The following SLCO2A1 variants were observed in gnomAD, a reference collection of about 807,000 sequenced individuals.
SLCO2A1 encodes solute carrier organic anion transporter family member 2A1.
In SLCO2A1, 60 loss-of-function variants were observed where a neutral mutation model predicts 71.7. The observed-to-expected ratio is 0.84, with a 90% CI of 0.68 to 1.04. The LOEUF (loss-of-function observed/expected upper bound fraction) is 1.04, where lower values mean the gene tolerates loss of function less well. Ranked by LOEUF, SLCO2A1 falls within the 50% of genes least tolerant of loss-of-function variation. The pLI is 0.00. For synonymous variants in SLCO2A1, 308 were observed against 326.7 expected, an observed-to-expected ratio of 0.94 and a Z score of 0.62; for missense variants, 745 against 813.4, an observed-to-expected ratio of 0.92 and a Z score of 1.02.
At chr3:133,945,696 A>G (rs1933556835) in intron 9 of SLCO2A1, among the ~76,000 whole-genome samples, 1 of 152,094 alleles carries the variant, frequency 6.6e-6, no homozygotes, top group Non-Finnish European at 1.5e-5. Context: ...CTTAATGTAG[A>G]CCTTGCCCAG....
intron 3 of SLCO2A1, among the ~76,000 whole-genome samples, chr3:133,957,313 C>T (rs13083496): frequency 0.14 from 21,253 of 152,196 alleles, 1,622 homozygotes; most frequent in Non-Finnish European, 0.16. Flanking sequence ...CAGGCTCTAC[C>T]GTAGAGATCC....
chr3:133,952,439 C>T (rs538686596), intron 5 of SLCO2A1, among the ~76,000 whole-genome samples: 1 of 152,316 alleles, frequency 6.6e-6, no homozygotes, highest in African/African-American at 2.4e-5. Flanking sequence ...GCCTTTCAGC[C>T]ACCCCTTCAG....
intron 3 of SLCO2A1, among the ~76,000 whole-genome samples, chr3:133,957,687 G>A (rs1004591592): frequency 6.6e-6 from 1 of 152,186 alleles, no homozygotes; most frequent in Non-Finnish European, 1.5e-5. Flanking sequence ...GAAAGGGGCT[G>A]GCTGCTGGGA....
chr3:133,938,136 G>A (rs373464753), intron 12 of SLCO2A1, among the ~76,000 whole-genome samples: 34 of 152,334 alleles, frequency 2.2e-4, no homozygotes, highest in African/African-American at 7.7e-4. Flanking sequence ...TTTGTGAGAA[G>A]GATTTAAAAA....
chr3:133,935,930 G>A (rs1214174184), intron 12 of SLCO2A1, 33 bp from the exon 13 acceptor site: 2 of 1,538,260 alleles, frequency 1.3e-6, no homozygotes, highest in Non-Finnish European at 8.8e-7. Flanking sequence ...CTGGTCAGGT[G>A]GAACTGCAGG....
intron 1 of SLCO2A1, among the ~76,000 whole-genome samples, chr3:134,018,102 C>A (rs1437156037): frequency 6.6e-6 from 1 of 152,146 alleles, no homozygotes; most frequent in Non-Finnish European, 1.5e-5. Flanking sequence ...CGACCCATGG[C>A]CCACCTGATC....
At chr3:133,947,136 A>C in intron 9 of SLCO2A1, 120 bp downstream of exon 9, 2 of 840,884 alleles carry the variant, frequency 2.4e-6, no homozygotes, top group East Asian at 5.8e-5. Flanking sequence ...TCTGTCTCAA[A>C]AAAAAAAAAA....
At chr3:134,011,194 G>C (rs1198331751) in intron 1 of SLCO2A1, among the ~76,000 whole-genome samples, 2 of 152,168 alleles carry the variant, frequency 1.3e-5, no homozygotes, top group African/African-American at 4.8e-5. Context: ...GGGATTACAG[G>C]TGTGCACCAC....
At chr3:134,000,479 T>C (rs1187654334) in intron 1 of SLCO2A1, among the ~76,000 whole-genome samples, 1 of 152,110 alleles carries the variant, frequency 6.6e-6, no homozygotes, top group African/African-American at 2.4e-5. Context: ...TCCAGCCTCG[T>C]AAACAGATTG....
At chr3:134,009,693 T>C (rs1445243072) in intron 1 of SLCO2A1, among the ~76,000 whole-genome samples, 2 of 152,228 alleles carry the variant, frequency 1.3e-5, no homozygotes, top group African/African-American at 4.8e-5. Flanking sequence ...AAGAGGAAAC[T>C]GAGGAATGAA....
intron 1 of SLCO2A1, among the ~76,000 whole-genome samples, chr3:133,984,173 G>A (rs1239780429): frequency 6.6e-6 from 1 of 152,230 alleles, no homozygotes; most frequent in African/African-American, 2.4e-5. Flanking sequence ...GGAAGATGGG[G>A]ATGGTGGGAG....
chr3:134,015,652 C>T (rs529656408), intron 1 of SLCO2A1, among the ~76,000 whole-genome samples: 4 of 152,266 alleles, frequency 2.6e-5, no homozygotes, highest in East Asian at 1.9e-4. Context: ...GATTTAATCA[C>T]GCCACATTGC....
rs1213987915 is a variant in SLCO2A1 at position 133,947,262 on chromosome 3, G to C, written c.1289C>G (p.Pro430Arg). The C allele has an allele frequency of 6.2e-7, 1 of 1,613,910 alleles. No individual in the cohort carries two copies. Among genetic ancestry groups the C allele is most frequent in the African/African-American group, 1.3e-5 (1 of 75,034 alleles). Reference protein sequence around the residue: ...CSTPTVAEVYPPSTSSSIHPQ... With the variant: ...CSTPTVAEVYRPSTSSSIHPQ... ...TACCCCTTATTCCCATTACCTAGGG[G>C]GGTAGACTTCGGCCACAGTTGGGGT... Residue 430 changes from proline to arginine, a missense_variant, in exon 9 of 14, where the codon CCC becomes CGC. Pro to Arg is a moderately radical substitution (Grantham distance 103). Coordinates refer to ENST00000310926, the MANE Select transcript of SLCO2A1 (RefSeq NM_005630.3).
At chr3:133,973,406 G>A (rs1003623606) in intron 3 of SLCO2A1, among the ~76,000 whole-genome samples, 3 of 152,228 alleles carry the variant, frequency 2.0e-5, no homozygotes, top group African/African-American at 7.2e-5. Flanking sequence ...TGCTCACAGT[G>A]TCCCCAGGGA....
Position 133,948,969 on chromosome 3 carries a change from C to T in SLCO2A1, c.864G>A (p.Arg288=). ...FPRAMPIGAK[R]APATADEARK... ...TTGCTTCATCTGCTGTGGCAGGAGC[C>T]CTCTGAAGGCAATAAAAGGGGTGAG... is the stretch of plus-strand genomic sequence containing the variant. Residue 288 remains arginine (R), a splice_region_variant and synonymous_variant, in exon 7 of 14, where the codon AGG becomes AGA. Coordinates refer to ENST00000310926, the MANE Select transcript of SLCO2A1 (RefSeq NM_005630.3). The T allele has an allele frequency of 6.2e-7, 1 of 1,613,884 alleles. No homozygotes were observed. The highest frequency in any genetic ancestry group is 8.5e-7 in the Non-Finnish European group (1 of 1,179,822).
chr3:133,985,110 G>A (rs184219680), intron 1 of SLCO2A1, among the ~76,000 whole-genome samples: 50 of 152,240 alleles, frequency 3.3e-4, no homozygotes, highest in African/African-American at 1.1e-3. Context: ...TCAGTTCTCC[G>A]GTAGTCTGAG....
chr3:133,990,368 T>C (rs948365195), intron 1 of SLCO2A1, among the ~76,000 whole-genome samples: 3 of 152,218 alleles, frequency 2.0e-5, no homozygotes, highest in African/African-American at 7.2e-5. Context: ...ATGTGTTCAG[T>C]CAGCAATCTT....
Position 133,976,406 on chromosome 3 carries a change from C to T in SLCO2A1, c.235-2581G>A, listed in dbSNP as rs576122653. Among the ~76,000 whole-genome samples the T allele has an allele frequency of 6.6e-5, 10 of 152,186 alleles. No homozygotes were observed. The East Asian group carries it at 7.8e-4, about 12-fold the overall frequency. On this transcript the variant is annotated intron_variant, in intron 2 of 13. Transcript: ENST00000310926. ...CTGGGTGAGGGTCAGTGGAGGGCCC[C>T]GAAGGGGATCTCAGGGAGGAGGGAC...
At chr3:133,993,174 G>A (rs67286952) in intron 1 of SLCO2A1, among the ~76,000 whole-genome samples, 16,894 of 152,310 alleles carry the variant, frequency 0.11, 1,395 homozygotes, top group African/African-American at 0.23. Context: ...CCCCTCCCCA[G>A]GGAGTAGAAC....
Sources: gnomAD v4.1 joint callset for allele counts (sites outside exome capture counted in the v4.1 genomes callset) on GRCh38, gnomAD v4.1.1 for gene constraint, MANE v1.5 for transcripts, NCBI Gene and HGNC (gene_info 2026-07-23, HGNC 2026-07-21) for gene names.